The following SLMAP variants were observed in gnomAD, a reference collection of about 807,000 sequenced individuals.
SLMAP encodes sarcolemmal membrane-associated protein.
A neutral mutation model predicts 128.8 loss-of-function variants in SLMAP; 44 were observed. That is an observed-to-expected ratio of 0.34 (90% CI 0.27 to 0.44). The LOEUF (loss-of-function observed/expected upper bound fraction) is 0.44. SLMAP is among the 20% of genes least tolerant of loss of function. The pLI is 1.00. For synonymous variants in SLMAP, 327 were observed against 348.8 expected (o/e 0.94, Z 0.70); for missense variants, 787 against 985.3 (o/e 0.80, Z 2.69).
At chr3:57,926,192 A>G (rs994922110) in intron 24 of SLMAP, 7 of 444,724 alleles carry the variant, frequency 1.6e-5, no homozygotes, top group African/African-American at 4.0e-5. Flanking sequence ...GCTTCCATTA[A>G]CTGAGTCTTT....
At position 57,906,304 on chromosome 3, in the gene SLMAP, TTTTTTC is replaced by T. The variant is rs1322534354; in HGVS notation, c.1502-1574_1502-1569del. Among the ~76,000 whole-genome samples the T allele has an allele frequency of 1.3e-3, 147 of 113,544 alleles. 2 individuals carry two copies. The highest frequency in any genetic ancestry group is 4.5e-3 in the African/African-American group (141 of 31,276). The allele number at this position is 113,544 out of a possible 152,430, so 74.5% of individuals were successfully genotyped here. On this transcript the variant is annotated intron_variant, in intron 17 of 24. Transcript: ENST00000671191. ...AACCCAGAATCAAATTTTTTTCTTT[TTTTTTC>T]TTTTTTTTTTTTTTTTTTTTTTAGA...
chr3:57,916,767 TATTTC>T (rs2096822279), intron 21 of SLMAP, 134 bp from the exon 22 acceptor site: 2 of 647,810 alleles, frequency 3.1e-6, no homozygotes, highest in Non-Finnish European at 5.1e-6. Context: ...TGAATGAAAA[TATTTC>T]ATTCTTTTTT....
At chr3:57,795,192 C>T (rs1195923222) in intron 2 of SLMAP, among the ~76,000 whole-genome samples, 1 of 152,136 alleles carries the variant, frequency 6.6e-6, no homozygotes, top group African/African-American at 2.4e-5. Context: ...CATTTCATGT[C>T]CTTATCAGAC....
intron 2 of SLMAP, among the ~76,000 whole-genome samples, chr3:57,801,819 T>C (rs2088497989): frequency 6.6e-6 from 1 of 151,990 alleles, no homozygotes; most frequent in South Asian, 2.1e-4. Flanking sequence ...TTTGTGCCAG[T>C]TGGCACAACA....
intron 14 of SLMAP, among the ~76,000 whole-genome samples, chr3:57,885,111 T>C (rs1199768384): frequency 2.0e-5 from 3 of 151,864 alleles, no homozygotes; most frequent in Non-Finnish European, 2.9e-5. Flanking sequence ...TCGCTCTTGT[T>C]GCCCAGGCTG....
intron 2 of SLMAP, among the ~76,000 whole-genome samples, chr3:57,762,457 A>G (rs947485604): frequency 6.6e-6 from 1 of 152,200 alleles, no homozygotes; most frequent in African/African-American, 2.4e-5. Flanking sequence ...AATATCTGCA[A>G]AATGTAGGCA....
chr3:57,890,444 C>T (rs376311803), intron 15 of SLMAP: 17 of 190,476 alleles, frequency 8.9e-5, no homozygotes, highest in African/African-American at 3.5e-4. Flanking sequence ...CAATGTAAGT[C>T]GTTTGTGATA....
intron 2 of SLMAP, among the ~76,000 whole-genome samples, chr3:57,781,032 A>T (rs772879020): frequency 3.5e-4 from 53 of 151,858 alleles, no homozygotes; most frequent in Non-Finnish European, 7.1e-4. Flanking sequence ...ATACACACAC[A>T]TATATATGCG....
In SLMAP at chr3:57,873,527, AT is replaced by A. The variant is rs1176967930; in HGVS notation, c.1300+1830del. 3.5e-4 allele frequency among the ~76,000 whole-genome samples: 54 copies of A among 152,316 alleles called. 1 individual carries two copies. Among genetic ancestry groups the A allele is most frequent in the African/African-American group, 1.3e-3 (53 of 41,578 alleles). On this transcript the variant is annotated intron_variant, in intron 14 of 24. Coordinates refer to ENST00000671191, the MANE Select transcript of SLMAP (RefSeq NM_001377540.1). ...CAAAAAAAAATTAAAAAGTAAAAAAATAAATAAATAAAACTATTTATAAAGC... is the reference window on the plus strand; with the variant it reads ...CAAAAAAAAATTAAAAAGTAAAAAAAAAATAAATAAAACTATTTATAAAGC...
intron 4 of SLMAP, 51 bp downstream of exon 4, chr3:57,841,422 G>T (rs766727563): frequency 2.9e-6 from 3 of 1,031,158 alleles, no homozygotes; most frequent in East Asian, 2.5e-5. Context: ...GTACTGTAAA[G>T]AATTTAGTAA....
chr3:57,916,818 C>A (rs2096823509), intron 21 of SLMAP, 88 bp from the exon 22 acceptor site: 1 of 993,266 alleles, frequency 1.0e-6, no homozygotes, highest in Non-Finnish European at 1.5e-6. Context: ...CCACTCTATC[C>A]CTTCTAGTGA....
At chr3:57,906,670 AAAAAAT>A (rs1393563059) in intron 17 of SLMAP, among the ~76,000 whole-genome samples, 39 of 25,988 alleles carry the variant, frequency 1.5e-3, no homozygotes, top group Middle Eastern at 0.02. Flanking sequence ...GAATATGAAA[AAAAAAT>A]ATATATATAT....
intron 2 of SLMAP, among the ~76,000 whole-genome samples, chr3:57,796,439 T>A (rs570857127): frequency 6.6e-6 from 1 of 152,280 alleles, no homozygotes; most frequent in South Asian, 2.1e-4. Context: ...CGTGGCTGTG[T>A]CACTTCCTGG....
chr3:57,772,323 A>G (rs2081048262), intron 2 of SLMAP, among the ~76,000 whole-genome samples: 1 of 152,246 alleles, frequency 6.6e-6, no homozygotes, highest in African/African-American at 2.4e-5. Flanking sequence ...GGTTTTAGTT[A>G]TATGCCACAG....
chr3:57,872,946 A>G (rs768971552), intron 14 of SLMAP, among the ~76,000 whole-genome samples: 24 of 152,264 alleles, frequency 1.6e-4, no homozygotes, highest in Non-Finnish European at 2.8e-4. Flanking sequence ...ATATTCATGC[A>G]TATGTGCCCC....
intron 2 of SLMAP, among the ~76,000 whole-genome samples, chr3:57,817,542 C>A (rs1026986494): frequency 6.6e-6 from 1 of 152,062 alleles, no homozygotes; most frequent in African/African-American, 2.4e-5. Context: ...TTGGGAATAC[C>A]CCAATCTTCA....
Position 57,801,643 on chromosome 3 carries a change from G to GTT in SLMAP, c.199-29728_199-29727dup, listed in dbSNP as rs35550491. On this transcript the variant is annotated intron_variant, in intron 2 of 24. Coordinates refer to ENST00000671191, the MANE Select transcript of SLMAP (RefSeq NM_001377540.1). The stretch of plus-strand genomic sequence containing the variant: ...TTGTTGAATATGTACTGTTTTTCCT[G>GTT]TTTTTTTTTTTTTAACTATTATAAA... Among the ~76,000 whole-genome samples the GTT allele has an allele frequency of 1.5e-3, 217 of 146,536 alleles. 2 individuals carry two copies. The highest frequency in any genetic ancestry group is 3.5e-3 in the Middle Eastern group (1 of 284).
At position 57,783,118 on chromosome 3, in the gene SLMAP, G is replaced by T. The variant is rs529589237; in HGVS notation, c.198+25269G>T. ...ACCTGAAAATGTTAAAGCAGCTTTGGAACTGGGTAATGGGTAGAGAAGAAT... is the reference window on the plus strand; with the variant it reads ...ACCTGAAAATGTTAAAGCAGCTTTGTAACTGGGTAATGGGTAGAGAAGAAT... On this transcript the variant is annotated intron_variant, in intron 2 of 24. Coordinates refer to ENST00000671191, the MANE Select transcript of SLMAP (RefSeq NM_001377540.1). Among the ~76,000 whole-genome samples, 3 of 152,344 alleles carry T rather than the reference G, an allele frequency of 2.0e-5. No individual in the cohort carries two copies. In the South Asian group the frequency reaches 6.2e-4, roughly 32 times the overall value.
At position 57,896,895 on chromosome 3, in the gene SLMAP, C is replaced by A. The variant is rs145697950; in HGVS notation, c.1464C>A (p.Asp488Glu). 1.9e-6 allele frequency: 3 copies of A among 1,611,038 alleles called. No homozygotes were observed. The African/African-American group carries it at 4.0e-5, about 22-fold the overall frequency. The change falls in exon 17 of 25, where the codon GAC becomes GAA. Residue 488 changes from aspartate (D) to glutamate (E), a missense_variant. This residue lies in a region of SLMAP where 715 missense variants were observed against 843.6 expected (regional missense o/e 0.85). Transcript: ENST00000671191. ...TAGACGCCCAAATGGATGAGCAAGA[C>A]CTAAATGAGCCTCTTGCCAAAGTGT... ...DTTDAQMDEQ[D>E]LNEPLAKVSL...
Sources: gnomAD v4.1 joint callset for allele counts (sites outside exome capture counted in the v4.1 genomes callset) on GRCh38, gnomAD v4.1.1 for gene constraint, gnomAD v4.1.1 regional missense constraint, MANE v1.5 for transcripts, NCBI Gene and HGNC (gene_info 2026-07-23, HGNC 2026-07-21) for gene names.